The following MAGI3 variants were observed in gnomAD, a reference collection of about 807,000 sequenced individuals.
The protein encoded by MAGI3 is membrane-associated guanylate kinase, WW and PDZ domain-containing protein 3.
Under a neutral mutation model 121.8 loss-of-function variants are expected in MAGI3, and 43 were observed. That is an observed-to-expected ratio of 0.35 (90% confidence interval 0.28 to 0.46). The LOEUF (loss-of-function observed/expected upper bound fraction) is 0.46. Among genes scored for constraint, MAGI3 ranks in the 20% least tolerant of loss-of-function variants. The pLI, the probability that MAGI3 is intolerant of heterozygous loss-of-function variation, is 1.00. For synonymous variants in MAGI3, 553 were observed against 639.3 expected, an observed-to-expected ratio of 0.86 and a Z score of 2.04; for missense variants, 1,547 against 1,797.3, an observed-to-expected ratio of 0.86 and a Z score of 2.52.
chr1:113,561,738 A>G (rs1660242257), intron 2 of MAGI3, among the ~76,000 whole-genome samples: 3 of 152,172 alleles, frequency 2.0e-5, no homozygotes, highest in Admixed American at 1.3e-4. Flanking sequence ...ACTCCTATTC[A>G]ATATAGTTTT....
chr1:113,543,837 C>G (rs1222820868), intron 1 of MAGI3, among the ~76,000 whole-genome samples: 1 of 150,324 alleles, frequency 6.7e-6, no homozygotes, highest in African/African-American at 2.5e-5. Flanking sequence ...CTCTGCATTC[C>G]AGCCTGGTTG....
intron 1 of MAGI3, among the ~76,000 whole-genome samples, chr1:113,486,708 A>G (rs1389620355): frequency 2.7e-5 from 4 of 148,756 alleles, no homozygotes; most frequent in Non-Finnish European, 5.9e-5. Flanking sequence ...CTAGAGTGCA[A>G]TGGCATGATC....
intron 1 of MAGI3, among the ~76,000 whole-genome samples, chr1:113,533,343 C>T (rs532175183): frequency 6.6e-5 from 10 of 152,228 alleles, no homozygotes; most frequent in African/African-American, 2.2e-4. Context: ...AACAGATAAC[C>T]AAATCCACAT....
intron 2 of MAGI3, among the ~76,000 whole-genome samples, chr1:113,575,698 C>G (rs1647585215): frequency 6.6e-6 from 1 of 152,186 alleles, no homozygotes; most frequent in Admixed American, 6.5e-5. Context: ...GCAGTCTGTC[C>G]CTTAGCAGAG....
In MAGI3 at chr1:113,481,121, T is replaced by C. The variant is rs115089710; in HGVS notation, c.317-68394T>C. On this transcript the variant is annotated intron_variant, in intron 1 of 20. Transcript: ENST00000307546. Reference sequence around the variant, plus strand: ...TTCTAGAAGCATTCTTTTTAAAGGCTTGCTTGCTTTTTGTTTTGTTCCTAA... The same window carrying C: ...TTCTAGAAGCATTCTTTTTAAAGGCCTGCTTGCTTTTTGTTTTGTTCCTAA... Among the ~76,000 whole-genome samples, 315 of 152,350 alleles carry C rather than the reference T, an allele frequency of 2.1e-3. 4 individuals carry two copies. The highest frequency in any genetic ancestry group is 7.4e-3 in the African/African-American group (306 of 41,580).
chr1:113,643,632 A>G, intron 10 of MAGI3, 111 bp from the exon 11 acceptor site: 5 of 960,502 alleles, frequency 5.2e-6, no homozygotes, highest in Non-Finnish European at 6.7e-6. Flanking sequence ...TTAGACACAG[A>G]ATTTACTAGC....
chr1:113,577,329 C>G (rs1647713745), intron 2 of MAGI3, among the ~76,000 whole-genome samples: 1 of 152,048 alleles, frequency 6.6e-6, no homozygotes, highest in Admixed American at 6.6e-5. Flanking sequence ...TGAAACATAG[C>G]ACATTGTCTC....
intron 5 of MAGI3, among the ~76,000 whole-genome samples, chr1:113,591,192 A>G (rs189776209): frequency 1.8e-4 from 28 of 152,208 alleles, no homozygotes; most frequent in African/African-American, 6.7e-4. Context: ...CACTATTAAT[A>G]TAATATTTAT....
rs1237395508 is a variant in MAGI3 at position 113,685,326 on chromosome 1, T to G, written c.*1312T>G. 3 of 152,376 alleles carry G rather than the reference T, an allele frequency of 2.0e-5. No homozygotes were observed. The highest frequency in any genetic ancestry group is 1.5e-5 in the Non-Finnish European group (1 of 68,044). 9.4% of individuals were successfully genotyped at this position (152,376 alleles called of 1,614,324 possible). On this transcript the variant is annotated 3_prime_UTR_variant, in exon 21 of 21. Coordinates refer to ENST00000307546, the MANE Select transcript of MAGI3 (RefSeq NM_001142782.2). ...CCCTGAAGCAGCATTCAGTAGCATC[T>G]ATATAAATAAAGGCACCTTCTGAGA...
At chr1:113,580,443 C>G (rs938488737) in intron 2 of MAGI3, 99 bp from the exon 3 acceptor site, 1 of 1,065,512 alleles carries the variant, frequency 9.4e-7, no homozygotes, top group African/African-American at 1.6e-5. Context: ...AATGAAACAT[C>G]TCTTATGTGT....
chr1:113,621,449 G>C (rs977933521), intron 8 of MAGI3, among the ~76,000 whole-genome samples: 4 of 151,972 alleles, frequency 2.6e-5, no homozygotes, highest in African/African-American at 9.7e-5. Context: ...AGAATGAAGA[G>C]GGTATGGGAG....
At chr1:113,562,176 C>T (rs368466403) in intron 2 of MAGI3, among the ~76,000 whole-genome samples, 31 of 152,246 alleles carry the variant, frequency 2.0e-4, no homozygotes, top group East Asian at 1.4e-3. Context: ...GAGGCCAAGG[C>T]GGGCAGATCA....
At chr1:113,451,105 T>C (rs578018674) in intron 1 of MAGI3, among the ~76,000 whole-genome samples, 20 of 152,322 alleles carry the variant, frequency 1.3e-4, no homozygotes, top group African/African-American at 4.6e-4. Context: ...AATAAAGGAA[T>C]TTTTAACTTT....
At chr1:113,543,890 A>C (rs977054748) in intron 1 of MAGI3, among the ~76,000 whole-genome samples, 1 of 151,936 alleles carries the variant, frequency 6.6e-6, no homozygotes, top group African/African-American at 2.4e-5. Flanking sequence ...AAAAAATTTA[A>C]ACTGATTAAC....
At chr1:113,624,340 C>T (rs1012787498) in intron 9 of MAGI3, among the ~76,000 whole-genome samples, 1 of 152,146 alleles carries the variant, frequency 6.6e-6, no homozygotes, top group Non-Finnish European at 1.5e-5. Context: ...TATGAGGGTT[C>T]CCTTTTCACC....
intron 1 of MAGI3, among the ~76,000 whole-genome samples, chr1:113,426,424 G>T (rs890954982): frequency 6.6e-6 from 1 of 152,070 alleles, no homozygotes. Flanking sequence ...AGTTAATTTT[G>T]CTGTTCAAAA....
intron 6 of MAGI3, among the ~76,000 whole-genome samples, chr1:113,607,328 A>G (rs1303966309): frequency 1.3e-5 from 2 of 152,188 alleles, no homozygotes; most frequent in African/African-American, 4.8e-5. Context: ...GGAGGAATGG[A>G]TGAGACACCT....
Position 113,450,604 on chromosome 1 carries a change from T to G in MAGI3, c.316+59255T>G, listed in dbSNP as rs1003262046. The stretch of plus-strand genomic sequence containing the variant: ...ACTATAATGATTTTGGAAATTATAG[T>G]GGACAACAGCAATCAAATTATGGAC... On this transcript the variant is annotated intron_variant, in intron 1 of 20. Coordinates refer to ENST00000307546, the MANE Select transcript of MAGI3 (RefSeq NM_001142782.2). 9.1e-6 allele frequency: 10 copies of G among 1,094,340 alleles called. No homozygotes were observed. In the African/African-American group the frequency reaches 1.5e-4, roughly 17 times the overall value. 67.8% of individuals were successfully genotyped at this position (1,094,340 alleles called of 1,614,324 possible). A position where few individuals can be genotyped will look rare whatever the true frequency, so the allele number is the denominator to read the frequency against.
chr1:113,594,498 C>G lies in MAGI3; in HGVS notation c.956C>G (p.Thr319Ser). 1 of 1,612,576 alleles carries G rather than the reference C, an allele frequency of 6.2e-7. No homozygotes were observed. Among genetic ancestry groups the G allele is most frequent in the South Asian group, 1.1e-5 (1 of 90,722 alleles). Reference protein sequence around the residue: ...IYFIDHNTKTTTWLDPRLCKK... With the variant: ...IYFIDHNTKTSTWLDPRLCKK... ...TTCTACAGCCACAATACCAAGACAA[C>G]CACCTGGTTGGATCCTCGTCTTTGT... The change falls in exon 6 of 21, where the codon ACC becomes AGC. Residue 319 changes from threonine to serine, a missense_variant. Coordinates refer to ENST00000307546, the MANE Select transcript of MAGI3 (RefSeq NM_001142782.2).
Sources: allele counts gnomAD v4.1 joint callset (sites outside exome capture counted in the v4.1 genomes callset), GRCh38; gene constraint gnomAD v4.1.1; transcripts MANE v1.5; gene names NCBI Gene and HGNC (gene_info 2026-07-23, HGNC 2026-07-21).